Variants in ATRNL1 observed in about 807,000 individuals in gnomAD.
ATRNL1 encodes the protein attractin-like protein 1.
In ATRNL1, 95 loss-of-function variants were observed where a neutral mutation model predicts 182.7. The ratio of observed to expected loss-of-function variants is 0.52; its 90% CI spans 0.44 to 0.62. The LOEUF is 0.62. Ranked by LOEUF, ATRNL1 falls within the 20% of genes least tolerant of loss-of-function variation. The pLI, the probability that ATRNL1 is intolerant of heterozygous loss-of-function variation, is 0.00. For missense variants in ATRNL1, 1,471 were observed against 1,679.5 expected (o/e 0.88, Z 2.17); for synonymous variants, 576 against 568.3 (o/e 1.01, Z -0.19).
intron 25 of ATRNL1, among the ~76,000 whole-genome samples, chr10:115,534,934 C>T (rs1267972800): frequency 2.6e-5 from 4 of 152,214 alleles, no homozygotes; most frequent in African/African-American, 9.6e-5. Context: ...GTCCTATTGG[C>T]CCCCACTCTA....
chr10:115,626,527 T>C (rs1858112471), intron 26 of ATRNL1, among the ~76,000 whole-genome samples: 1 of 152,198 alleles, frequency 6.6e-6, no homozygotes, highest in Non-Finnish European at 1.5e-5. Context: ...GTTAATACCA[T>C]AGATTTTCAA....
chr10:115,730,661 T>G (rs1197619302), intron 27 of ATRNL1, among the ~76,000 whole-genome samples: 2 of 152,146 alleles, frequency 1.3e-5, no homozygotes, highest in East Asian at 3.9e-4. Context: ...AGTGAATGTT[T>G]AGGGTTATCT....
chr10:115,756,074 T>C (rs1409512083), intron 27 of ATRNL1, among the ~76,000 whole-genome samples: 2 of 152,102 alleles, frequency 1.3e-5, no homozygotes, highest in Non-Finnish European at 2.9e-5. Context: ...TTTATTACTC[T>C]GGCTAGAGGT....
chr10:115,377,126 TTTAATTGTTGGTATGGTTTGG>T, intron 19 of ATRNL1, among the ~76,000 whole-genome samples: 1 of 152,312 alleles, frequency 6.6e-6, no homozygotes, highest in East Asian at 1.9e-4. Context: ...TATAATTTTA[TTTAATTGTTGGTATGGTTTGG>T]CTGTGTCCCT....
intron 12 of ATRNL1, among the ~76,000 whole-genome samples, chr10:115,267,643 T>C (rs1211228793): frequency 6.6e-6 from 1 of 152,032 alleles, no homozygotes; most frequent in Non-Finnish European, 1.5e-5. Context: ...AATTCAGATG[T>C]CTTTTATATC....
At chr10:115,184,558 C>G (rs1393694535) in intron 8 of ATRNL1, among the ~76,000 whole-genome samples, 2 of 151,134 alleles carry the variant, frequency 1.3e-5, no homozygotes, top group Admixed American at 6.6e-5. Flanking sequence ...AAAGATAAAC[C>G]AGAAAACAAG....
chr10:115,869,385 A>G (rs931790717), intron 28 of ATRNL1, among the ~76,000 whole-genome samples: 2 of 152,156 alleles, frequency 1.3e-5, no homozygotes, highest in South Asian at 2.1e-4. Flanking sequence ...AATCCCCAAC[A>G]TTAGTGGGAA....
chr10:115,579,958 AGCTTAACTTCACTT>A (rs1854968462), intron 26 of ATRNL1, among the ~76,000 whole-genome samples: 1 of 152,016 alleles, frequency 6.6e-6, no homozygotes, highest in South Asian at 2.1e-4. Context: ...AGCTGATAAC[AGCTTAACTTCACTT>A]GCATGCCAGA....
intron 27 of ATRNL1, among the ~76,000 whole-genome samples, chr10:115,728,111 TAA>T (rs782146867): frequency 6.8e-5 from 3 of 44,372 alleles, no homozygotes; most frequent in Middle Eastern, 0.011. Context: ...CCGTCTCTAC[TAA>T]AAAAAAAAAA....
At chr10:115,657,198 A>T (rs1336431120) in intron 26 of ATRNL1, among the ~76,000 whole-genome samples, 1 of 152,166 alleles carries the variant, frequency 6.6e-6, no homozygotes, top group Non-Finnish European at 1.5e-5. Flanking sequence ...GTAATTTATA[A>T]TAAATCAATA....
At chr10:115,840,521 A>AT (rs1555096770) in intron 27 of ATRNL1, among the ~76,000 whole-genome samples, 1 of 152,088 alleles carries the variant, frequency 6.6e-6, no homozygotes, top group Admixed American at 6.6e-5. Context: ...TGAGTAAGGT[A>AT]TTTTTAGCTC....
chr10:115,322,477 A>G (rs1554931832), intron 18 of ATRNL1, among the ~76,000 whole-genome samples: 1 of 152,042 alleles, frequency 6.6e-6, no homozygotes, highest in African/African-American at 2.4e-5. Flanking sequence ...TATAGGACAA[A>G]TAATACCATT....
chr10:115,477,598 G>A (rs969199110), intron 24 of ATRNL1, among the ~76,000 whole-genome samples: 2 of 151,496 alleles, frequency 1.3e-5, no homozygotes, highest in South Asian at 2.1e-4. Context: ...TTCTCTGCTC[G>A]AAGATATGGG....
At chr10:115,473,244 T>C (rs143916706) in intron 24 of ATRNL1, among the ~76,000 whole-genome samples, 1 of 151,410 alleles carries the variant, frequency 6.6e-6, no homozygotes, top group East Asian at 1.9e-4. Flanking sequence ...CAAATGTGGT[T>C]GGCTAGCATT....
At chr10:115,548,364 A>G (rs561247264) in intron 25 of ATRNL1, among the ~76,000 whole-genome samples, 2 of 152,338 alleles carry the variant, frequency 1.3e-5, no homozygotes, top group African/African-American at 2.4e-5. Flanking sequence ...AGGAGAAAAA[A>G]TATATTGAAG....
chr10:115,171,451 G>T lies in ATRNL1; in HGVS notation c.1348+159G>T, dbSNP rs11197098. 8.3e-6 allele frequency: 5 copies of T among 598,904 alleles called. No individual in the cohort carries two copies. In the East Asian group the frequency reaches 1.3e-4, roughly 16 times the overall value. The allele number at this position is 598,904 out of a possible 1,614,324, so 37.1% of individuals were successfully genotyped here. A position where few individuals can be genotyped will look rare whatever the true frequency, so the allele number is the denominator to read the frequency against. On this transcript the variant is annotated intron_variant, in intron 8 of 28. Coordinates refer to ENST00000355044, the MANE Select transcript of ATRNL1 (RefSeq NM_207303.4). ...AATATAAGCTTTTTTGATTATGTTA[G>T]ATTTTGTCCTTTAATATTTAAGCTT... is the stretch of plus-strand genomic sequence containing the variant.
chr10:115,606,435 A>G (rs1186028296), intron 26 of ATRNL1, among the ~76,000 whole-genome samples: 1 of 152,040 alleles, frequency 6.6e-6, no homozygotes, highest in Non-Finnish European at 1.5e-5. Context: ...TCAGGGTATA[A>G]CACAAGAATA....
chr10:115,186,392 G>A (rs1847942175), intron 8 of ATRNL1, among the ~76,000 whole-genome samples: 1 of 150,260 alleles, frequency 6.7e-6, no homozygotes, highest in African/African-American at 2.5e-5. Context: ...TCATTATAGC[G>A]AAGAGATATC....
At chr10:115,207,682 C>G (rs888924049) in intron 8 of ATRNL1, among the ~76,000 whole-genome samples, 1 of 151,958 alleles carries the variant, frequency 6.6e-6, no homozygotes, top group Non-Finnish European at 1.5e-5. Flanking sequence ...CTTGCCCCCC[C>G]ACATTTTACT....
Sources: allele counts gnomAD v4.1 joint callset (sites outside exome capture counted in the v4.1 genomes callset), GRCh38; gene constraint gnomAD v4.1.1; transcripts MANE v1.5; gene names NCBI Gene and HGNC (gene_info 2026-07-23, HGNC 2026-07-21).